Variants in PHF24 observed in about 807,000 individuals in gnomAD.
The protein encoded by PHF24 is Galpha inhibitory interacting protein.
PHF24 carries 25 observed loss-of-function variants against 42.6 expected under a neutral mutation model. That is an observed-to-expected ratio of 0.59 (90% CI 0.43 to 0.82). The LOEUF is 0.82. Ranked by LOEUF, PHF24 falls within the 40% of genes least tolerant of loss-of-function variation. PHF24 has a pLI of 0.00. For missense variants in PHF24, 470 were observed against 538.1 expected, an observed-to-expected ratio of 0.87 and a Z score of 1.25; for synonymous variants, 185 against 204.8, an observed-to-expected ratio of 0.90 and a Z score of 0.83.
chr9:34,757,556 A>AC, the PHF24 span, among the ~76,000 whole-genome samples: 1 of 152,142 alleles, frequency 6.6e-6, no homozygotes, highest in Non-Finnish European at 1.5e-5. Context: ...ATCTGGTGGA[A>AC]CAGTCACCTT....
chr9:34,694,968 A>G, the PHF24 span, among the ~76,000 whole-genome samples: 1 of 152,212 alleles, frequency 6.6e-6, no homozygotes, highest in Non-Finnish European at 1.5e-5. Flanking sequence ...CTTTTCTGAC[A>G]TATAGCTCCT....
the PHF24 span, among the ~76,000 whole-genome samples, chr9:34,763,215 T>A: frequency 6.6e-6 from 1 of 152,206 alleles, no homozygotes; most frequent in Non-Finnish European, 1.5e-5. Flanking sequence ...TTTAAAGTAG[T>A]TTTTTCCAAT....
the PHF24 span, among the ~76,000 whole-genome samples, chr9:34,878,066 T>C: frequency 6.6e-6 from 1 of 152,286 alleles, no homozygotes; most frequent in Admixed American, 6.5e-5. Context: ...TAGTTAATAA[T>C]AATGTATCAA....
chr9:34,726,857 G>T, the PHF24 span: 172 of 1,551,690 alleles, frequency 1.1e-4, no homozygotes, highest in Middle Eastern at 1.7e-4. Flanking sequence ...CCCCGATAAA[G>T]TCAGGGAGAT....
chr9:34,691,285 T>TGCA, the PHF24 span: 1 of 576,868 alleles, frequency 1.7e-6, no homozygotes, highest in South Asian at 2.3e-5. Context: ...ATGTGAGCCC[T>TGCA]GCAGCTGACT....
At chr9:34,875,984 T>TCTCA in the PHF24 span, among the ~76,000 whole-genome samples, 2 of 133,320 alleles carry the variant, frequency 1.5e-5, no homozygotes, top group South Asian at 5.1e-4. Context: ...TCTCTCTCTC[T>TCTCA]CTCACTCCTT....
chr9:34,977,013 A>G, intron 5 of PHF24, 70 bp from the exon 6 acceptor site: 2 of 1,494,928 alleles, frequency 1.3e-6, no homozygotes, highest in Non-Finnish European at 1.8e-6. Context: ...GGTAATGGAG[A>G]TAGGATTCTC....
At chr9:34,741,211 A>C in the PHF24 span, among the ~76,000 whole-genome samples, 2 of 149,434 alleles carry the variant, frequency 1.3e-5, no homozygotes, top group African/African-American at 5.1e-5. Context: ...TTGTAAAAAA[A>C]GTTTAGAAAC....
intron 1 of PHF24, among the ~76,000 whole-genome samples, chr9:34,964,254 T>A (rs1013994338): frequency 6.6e-6 from 1 of 152,100 alleles, no homozygotes; most frequent in Non-Finnish European, 1.5e-5. Context: ...GTGAGCCTTT[T>A]AAATAGCCTC....
the PHF24 span, among the ~76,000 whole-genome samples, chr9:34,910,872 GAGTGC>G: frequency 6.6e-6 from 1 of 151,768 alleles, no homozygotes; most frequent in Non-Finnish European, 1.5e-5. Flanking sequence ...ACCCAGGCTG[GAGTGC>G]AGTGGCAGGA....
the PHF24 span, chr9:34,894,501 G>C: frequency 5.0e-6 from 2 of 398,498 alleles, no homozygotes; most frequent in Non-Finnish European, 8.8e-6. Context: ...AGTTCTCCTA[G>C]CTGAAGAAAC....
the PHF24 span, among the ~76,000 whole-genome samples, chr9:34,849,589 T>A: frequency 1.3e-5 from 2 of 152,200 alleles, no homozygotes; most frequent in African/African-American, 4.8e-5. Flanking sequence ...TTGGAGCATT[T>A]AGTCCATTTA....
chr9:34,918,062 G>C, the PHF24 span: 1 of 1,403,296 alleles, frequency 7.1e-7, no homozygotes, highest in East Asian at 2.3e-5. Context: ...GCCTGGACAA[G>C]GCCCGACACC....
the PHF24 span, among the ~76,000 whole-genome samples, chr9:34,920,850 TAC>T: frequency 5.3e-5 from 8 of 152,252 alleles, no homozygotes; most frequent in Non-Finnish European, 8.8e-5. Flanking sequence ...TGTTGATTTG[TAC>T]TCTGCCACTT....
chr9:34,922,369 G>T, the PHF24 span: 2 of 1,493,008 alleles, frequency 1.3e-6, no homozygotes, highest in South Asian at 2.3e-5. Context: ...GCTTTCTCTG[G>T]GGAATTCAGA....
At chr9:34,726,394 G>T in the PHF24 span, 3 of 1,548,374 alleles carry the variant, frequency 1.9e-6, no homozygotes, top group Non-Finnish European at 2.6e-6. Flanking sequence ...ATGGCAGGTG[G>T]GCAGGGAGGA....
the PHF24 span, among the ~76,000 whole-genome samples, chr9:34,750,034 A>C: frequency 3.3e-5 from 5 of 152,200 alleles, no homozygotes; most frequent in Non-Finnish European, 4.4e-5. Flanking sequence ...CCAGGCAAAC[A>C]AAAGCTGAGG....
At chr9:34,959,729 G>C (rs1211934456) in intron 1 of PHF24, among the ~76,000 whole-genome samples, 1 of 152,156 alleles carries the variant, frequency 6.6e-6, no homozygotes, top group Non-Finnish European at 1.5e-5. Flanking sequence ...GGTGGCTCTG[G>C]ACCTAATTGA....
the PHF24 span, among the ~76,000 whole-genome samples, chr9:34,936,280 G>A: frequency 3.3e-5 from 5 of 152,190 alleles, no homozygotes; most frequent in Non-Finnish European, 5.9e-5. Context: ...TGTGTTCGCC[G>A]GGCTGGTCTC....
Sources: allele counts gnomAD v4.1 joint callset (sites outside exome capture counted in the v4.1 genomes callset), GRCh38; gene constraint gnomAD v4.1.1; transcripts MANE v1.5; gene names NCBI Gene and HGNC (gene_info 2026-07-23, HGNC 2026-07-21).